CBX6: variants seen among roughly 807,000 people sequenced by gnomAD.
The protein encoded by CBX6 is chromobox 6.
In CBX6, 7 loss-of-function variants were observed where a neutral mutation model predicts 28.4. The ratio of observed to expected loss-of-function variants is 0.25; its 90% CI spans 0.14 to 0.46. CBX6 has a LOEUF of 0.46. Ranked by LOEUF, CBX6 falls within the 20% of genes least tolerant of loss-of-function variation. CBX6 has a pLI of 0.99. For missense variants in CBX6, 512 were observed against 606.1 expected (o/e 0.84, Z 1.63); for synonymous variants, 297 against 273.4 (o/e 1.09, Z -0.85).
intron 4 of CBX6, among the ~76,000 whole-genome samples, chr22:38,869,408 C>G (rs890682736): frequency 4.6e-5 from 7 of 152,122 alleles, no homozygotes; most frequent in Non-Finnish European, 7.4e-5. Flanking sequence ...CTATGATGAT[C>G]AGAGAGTACA....
In CBX6 at chr22:38,866,737, A is replaced by C; in HGVS notation, c.711T>G (p.Pro237=). ...ACGGGGCTACCAGGGGGGCGGGCGGAGGCTTGTACAGCGCAAAGGCGCCGA... is the reference window on the plus strand; with the variant it reads ...ACGGGGCTACCAGGGGGGCGGGCGGCGGCTTGTACAGCGCAAAGGCGCCGA... ...MKFGAFALYK[P]PPAPLVAPSP... The change falls in exon 5 of 5, where the codon CCT becomes CCG. Residue 237 remains proline (P), a synonymous_variant. Transcript: ENST00000407418. The surrounding 1 kb of genome is among the most constrained non-coding windows in gnomAD (Gnocchi z 7.5). The C allele has an allele frequency of 6.3e-7, 1 of 1,596,250 alleles. No individual in the cohort carries two copies. The highest frequency in any genetic ancestry group is 1.8e-5 in the Admixed American group (1 of 56,886).
intron 4 of CBX6, among the ~76,000 whole-genome samples, chr22:38,869,128 A>G (rs953337452): frequency 2.6e-5 from 4 of 152,194 alleles, no homozygotes; most frequent in African/African-American, 9.6e-5. Flanking sequence ...ACACAAAGGC[A>G]GGGAAAAGCC....
Position 38,865,665 on chromosome 22 carries a change from G to A in CBX6, c.*544C>T, listed in dbSNP as rs1366516742. On this transcript the variant is annotated 3_prime_UTR_variant, in exon 5 of 5. Transcript: ENST00000407418. The stretch of plus-strand genomic sequence containing the variant: ...GCCTCGTCCAAAATCGAGCAGGGAA[G>A]ACCCCGCCCTGGCCCAACTTCTGAT... 2 of 157,292 alleles carry A rather than the reference G, an allele frequency of 1.3e-5. No homozygotes were observed. The allele number at this position is 157,292 out of a possible 1,614,324, so 9.7% of individuals were successfully genotyped here.
rs2093183504 is a variant in CBX6, at chr22:38,872,020, G to A, written c.70-75C>T. ...GGACGCGAGGAGGCGGCGGCGCGGGGCTGGGCGAGGGAGCCGGGCTAGCGG... is the reference window on the plus strand; with the variant it reads ...GGACGCGAGGAGGCGGCGGCGCGGGACTGGGCGAGGGAGCCGGGCTAGCGG... On this transcript the variant is annotated intron_variant, in intron 1 of 4. Transcript: ENST00000407418. The surrounding 1 kb of genome is among the most constrained non-coding windows in gnomAD (Gnocchi z 5.0). 1 of 1,403,164 alleles carries A rather than the reference G, an allele frequency of 7.1e-7. No individual in the cohort carries two copies. Among genetic ancestry groups the A allele is most frequent in the Non-Finnish European group, 9.4e-7 (1 of 1,064,104 alleles). The allele number at this position is 1,403,164 out of a possible 1,614,324, so 86.9% of individuals were successfully genotyped here.
rs1217211078 is a variant in CBX6 at position 38,866,420 on chromosome 22, G to T, written c.1028C>A (p.Ala343Asp). Residue 343 changes from alanine (A) to aspartate (D), a missense_variant, in exon 5 of 5, where the codon GCC (alanine) becomes GAC (aspartate). Ala to Asp is a moderately radical substitution (Grantham distance 126, BLOSUM62 -2). Around this residue, in one of 7 missense-constraint regions of CBX6, gnomAD observed 290 missense variants for 274.1 expected, o/e 1.06. Coordinates refer to ENST00000407418, the MANE Select transcript of CBX6 (RefSeq NM_014292.5). The surrounding 1 kb of genome is among the most constrained non-coding windows in gnomAD (Gnocchi z 7.5). The stretch of plus-strand genomic sequence containing the variant: ...GGAGGAGGCACCGGCGGGCTCAGGG[G>T]CCGTGGGAGGTGCCGGGCCGGCAGC... Reference protein sequence around the residue: ...TAAAGPAPPTAPEPAGASSEP... With the variant: ...TAAAGPAPPTDPEPAGASSEP... 1 of 1,611,330 alleles carries T rather than the reference G, an allele frequency of 6.2e-7. No homozygotes were observed. Among genetic ancestry groups the T allele is most frequent in the African/African-American group, 1.3e-5 (1 of 75,030 alleles).
In CBX6 at chr22:38,862,533, A is replaced by G. The variant is rs2093159691; in HGVS notation, c.*3676T>C. Reference sequence around the variant, plus strand: ...GGGCGAAGTGCAAAAAAAAAAAAAAAAAAAAAAAAAAAGAAAGAAAGAAAA... The same window carrying G: ...GGGCGAAGTGCAAAAAAAAAAAAAAGAAAAAAAAAAAAGAAAGAAAGAAAA... On this transcript the variant is annotated 3_prime_UTR_variant, in exon 5 of 5. Coordinates refer to ENST00000407418, the MANE Select transcript of CBX6 (RefSeq NM_014292.5). The G allele has an allele frequency of 6.8e-6, 1 of 148,144 alleles. No individual in the cohort carries two copies. Among genetic ancestry groups the G allele is most frequent in the Admixed American group, 6.7e-5 (1 of 14,910 alleles). The allele number at this position is 148,144 out of a possible 1,614,324, so 9.2% of individuals were successfully genotyped here.
Position 38,865,898 on chromosome 22 carries a change from A to C in CBX6, c.*311T>G. 1 of 373,400 alleles carries C rather than the reference A, an allele frequency of 2.7e-6. No homozygotes were observed. Among genetic ancestry groups the C allele is most frequent in the Non-Finnish European group, 4.8e-6 (1 of 206,244 alleles). 23.1% of individuals were successfully genotyped at this position (373,400 alleles called of 1,614,324 possible). ...TCAGACGCCGCACAGGAGAGCAGGAAGCAAGCTAGAGAGACAGGTGGGATG... is the reference window on the plus strand; with the variant it reads ...TCAGACGCCGCACAGGAGAGCAGGACGCAAGCTAGAGAGACAGGTGGGATG... On this transcript the variant is annotated 3_prime_UTR_variant, in exon 5 of 5. Coordinates refer to ENST00000407418, the MANE Select transcript of CBX6 (RefSeq NM_014292.5).
rs5757314 is a variant in CBX6 at position 38,862,790 on chromosome 22, G to A, written c.*3419C>T. On this transcript the variant is annotated 3_prime_UTR_variant, in exon 5 of 5. Coordinates refer to ENST00000407418, the MANE Select transcript of CBX6 (RefSeq NM_014292.5). Reference sequence around the variant, plus strand: ...CTCCTGGCTCAGGGGCTCGAGGCCAGTCTTGTGCTGGCTCCAGGGCCTGGG... The same window carrying A: ...CTCCTGGCTCAGGGGCTCGAGGCCAATCTTGTGCTGGCTCCAGGGCCTGGG... 0.064 allele frequency: 9,820 copies of A among 152,318 alleles called. 732 individuals carry two copies. The highest frequency in any genetic ancestry group is 0.41 in the East Asian group (2,136 of 5,158). 9.4% of individuals were successfully genotyped at this position (152,318 alleles called of 1,614,324 possible).
Position 38,867,141 on chromosome 22 carries a change from C to T in CBX6, c.307G>A (p.Ala103Thr). 1 of 1,562,376 alleles carries T rather than the reference C, an allele frequency of 6.4e-7. No homozygotes were observed. Among genetic ancestry groups the T allele is most frequent in the Non-Finnish European group, 8.6e-7 (1 of 1,157,046 alleles). Reference protein sequence around the residue: ...SDVHFSVKPSASASSPKLHSS... With the variant: ...SDVHFSVKPSTSASSPKLHSS... ...TGCAGCTTGGGCGAGGAGGCACTGG[C>T]GCTCGGCTTGACAGAGAAATGCACA... The change falls in exon 5 of 5, where the codon GCC becomes ACC. Residue 103 changes from alanine to threonine, a missense_variant. Physicochemically the swap from Ala to Thr is moderately conservative, Grantham distance 58. Transcript: ENST00000407418.
Position 38,866,432 on chromosome 22 carries a change from G to C in CBX6, c.1016C>G (p.Ala339Gly). The C allele has an allele frequency of 6.2e-7, 1 of 1,609,594 alleles. No homozygotes were observed. Residue 339 changes from alanine to glycine, a missense_variant, in exon 5 of 5, where the codon GCA (alanine) becomes GGA (glycine). By Grantham distance (60) the Ala-to-Gly change is moderately conservative (BLOSUM62 0). Transcript: ENST00000407418. This position sits in a 1 kb window ranked among gnomAD's most constrained non-coding sequence, Gnocchi z 7.5. ...PPEVTAAAGP[A>G]PPTAPEPAGA... is the part of the protein sequence containing the mutation. ...GGCGGGCTCAGGGGCCGTGGGAGGT[G>C]CCGGGCCGGCAGCAGCTGTGACCTC...
Position 38,871,638 on chromosome 22 carries a change from C to G in CBX6, c.179+54G>C. Reference sequence around the variant, plus strand: ...CCGGCTCTCCCGCTTCCCCGCGCGGCGCCCCAGCCGAGCCTCGGCCTCGCA... The same window carrying G: ...CCGGCTCTCCCGCTTCCCCGCGCGGGGCCCCAGCCGAGCCTCGGCCTCGCA... On this transcript the variant is annotated intron_variant, in intron 3 of 4. Transcript: ENST00000407418. This position sits in a 1 kb window ranked among gnomAD's most constrained non-coding sequence, Gnocchi z 5.6. The G allele has an allele frequency of 1.9e-6, 3 of 1,610,688 alleles. No individual in the cohort carries two copies. Among genetic ancestry groups the G allele is most frequent in the Non-Finnish European group, 8.5e-7 (1 of 1,178,088 alleles).
Position 38,866,784 on chromosome 22 carries a change from T to A in CBX6, c.664A>T (p.Thr222Ser), listed in dbSNP as rs765842965. The A allele has an allele frequency of 5.0e-6, 8 of 1,612,452 alleles. No homozygotes were observed. The highest frequency in any genetic ancestry group is 5.9e-6 in the Non-Finnish European group (7 of 1,179,416). Residue 222 changes from threonine to serine, a missense_variant, in exon 5 of 5, where the codon ACA (threonine) becomes TCA (serine). Thr to Ser is a moderately conservative substitution (Grantham distance 58, BLOSUM62 1). This residue lies in a region of CBX6 where 290 missense variants were observed against 274.1 expected (regional missense o/e 1.06). Transcript: ENST00000407418. This position sits in a 1 kb window ranked among gnomAD's most constrained non-coding sequence, Gnocchi z 7.5. ...CCGAACTTCATGTGGCGGATCTGTGTACGCAGGACGCTCTCGCTGAACTTC... is the reference window on the plus strand; with the variant it reads ...CCGAACTTCATGTGGCGGATCTGTGAACGCAGGACGCTCTCGCTGAACTTC... ...SKKFSESVLR[T>S]QIRHMKFGAF...
In CBX6 at chr22:38,866,064, C is replaced by T. The variant is rs536000164; in HGVS notation, c.*145G>A. Reference sequence around the variant, plus strand: ...CCCGGCTTTCTGGGACCCCAACTACCCAGCCCCATCCCTGGGTCAACACCG... The same window carrying T: ...CCCGGCTTTCTGGGACCCCAACTACTCAGCCCCATCCCTGGGTCAACACCG... On this transcript the variant is annotated 3_prime_UTR_variant, in exon 5 of 5. Transcript: ENST00000407418. The surrounding 1 kb of genome is among the most constrained non-coding windows in gnomAD (Gnocchi z 7.5). The T allele has an allele frequency of 6.2e-4, 437 of 705,480 alleles. No individual in the cohort carries two copies. Among genetic ancestry groups the T allele is most frequent in the Admixed American group, 2.2e-3 (76 of 34,504 alleles). 43.7% of individuals were successfully genotyped at this position (705,480 alleles called of 1,614,324 possible).
Position 38,864,690 on chromosome 22 carries a change from T to A in CBX6, c.*1519A>T, listed in dbSNP as rs2093165367. 6.6e-6 allele frequency: 1 copy of A among 152,328 alleles called. No homozygotes were observed. The highest frequency in any genetic ancestry group is 1.5e-5 in the Non-Finnish European group (1 of 68,158). 9.4% of individuals were successfully genotyped at this position (152,328 alleles called of 1,614,324 possible). On this transcript the variant is annotated 3_prime_UTR_variant, in exon 5 of 5. Transcript: ENST00000407418. Reference sequence around the variant, plus strand: ...AGGACCAAAGGCGCTAGGGTTCTGATCGGCCTCCTGCCAACGTGCTTCTGA... The same window carrying A: ...AGGACCAAAGGCGCTAGGGTTCTGAACGGCCTCCTGCCAACGTGCTTCTGA...
At position 38,866,569 on chromosome 22, in the gene CBX6, G is replaced by C. The variant is rs766886101; in HGVS notation, c.879C>G (p.Pro293=). ...GGCTCACGGTCTCGGGGAGGAGCTT[G>C]GGGGGCGTGTCGTCGGGGTCAGAGG... The part of the protein sequence containing the change: ...PQSSDPDDTP[P]KLLPETVSPS... Residue 293 remains proline, a synonymous_variant, in exon 5 of 5, where the codon CCC becomes CCG. Transcript: ENST00000407418. The surrounding 1 kb of genome is among the most constrained non-coding windows in gnomAD (Gnocchi z 7.5). 9.5e-6 allele frequency: 15 copies of C among 1,576,400 alleles called. No homozygotes were observed. Among genetic ancestry groups the C allele is most frequent in the South Asian group, 2.3e-5 (2 of 88,622 alleles).
Position 38,871,198 on chromosome 22 carries a change from A to T in CBX6, c.246+282T>A, listed in dbSNP as rs540598850. The T allele has an allele frequency of 1.9e-4, 98 of 528,626 alleles. 2 individuals are homozygous for T. The South Asian group carries it at 2.1e-3, about 11-fold the overall frequency. The allele number at this position is 528,626 out of a possible 1,614,324, so 32.7% of individuals were successfully genotyped here. On this transcript the variant is annotated intron_variant, in intron 4 of 4. Transcript: ENST00000407418. The surrounding 1 kb of genome is among the most constrained non-coding windows in gnomAD (Gnocchi z 5.6). ...CCCATGGGCATCCCCCACCTGCCTC[A>T]GCCACCCCCTTTCCTGGAGCCCTAA...
chr22:38,871,971 G>A lies in CBX6; in HGVS notation c.70-26C>T, dbSNP rs1202221465. 1.7e-5 allele frequency: 26 copies of A among 1,506,252 alleles called. No individual in the cohort carries two copies. The highest frequency in any genetic ancestry group is 2.1e-5 in the Admixed American group (1 of 47,716). The allele number at this position is 1,506,252 out of a possible 1,614,324, so 93.3% of individuals were successfully genotyped here. A position where few individuals can be genotyped will look rare whatever the true frequency, so the allele number is the denominator to read the frequency against. On this transcript the variant is annotated intron_variant, in intron 1 of 4. Coordinates refer to ENST00000407418, the MANE Select transcript of CBX6 (RefSeq NM_014292.5). This position sits in a 1 kb window ranked among gnomAD's most constrained non-coding sequence, Gnocchi z 5.6. Reference sequence around the variant, plus strand: ...CTGAAAAACAGAGGGGAGAAAAACGGGGGTGGGGGTGGGGAGGATGCGGGG... The same window carrying A: ...CTGAAAAACAGAGGGGAGAAAAACGAGGGTGGGGGTGGGGAGGATGCGGGG...
rs2093183454 is a variant in CBX6, at chr22:38,872,012, G to C, written c.70-67C>G. On this transcript the variant is annotated intron_variant, in intron 1 of 4. Transcript: ENST00000407418. The surrounding 1 kb of genome is among the most constrained non-coding windows in gnomAD (Gnocchi z 5.0). ...GGATGCGGGGACGCGAGGAGGCGGCGGCGCGGGGCTGGGCGAGGGAGCCGG... is the reference window on the plus strand; with the variant it reads ...GGATGCGGGGACGCGAGGAGGCGGCCGCGCGGGGCTGGGCGAGGGAGCCGG... The C allele has an allele frequency of 8.5e-6, 12 of 1,413,164 alleles. No homozygotes were observed. In the East Asian group the frequency reaches 1.5e-4, roughly 17 times the overall value. 87.5% of individuals were successfully genotyped at this position (1,413,164 alleles called of 1,614,324 possible).
intron 4 of CBX6, among the ~76,000 whole-genome samples, chr22:38,867,719 C>A (rs1228237973): frequency 6.6e-6 from 1 of 152,240 alleles, no homozygotes; most frequent in African/African-American, 2.4e-5. Flanking sequence ...GTCCCCAATG[C>A]CCCGTACTCT....
Sources: allele counts gnomAD v4.1 joint callset (sites outside exome capture counted in the v4.1 genomes callset), GRCh38; gene constraint gnomAD v4.1.1; regional missense constraint gnomAD v4.1.1; non-coding constraint Gnocchi (gnomAD v3.1); transcripts MANE v1.5; gene names NCBI Gene and HGNC (gene_info 2026-07-23, HGNC 2026-07-21).